PCDHGA7: variants seen among roughly 807,000 people sequenced by gnomAD.
The protein encoded by PCDHGA7 is protocadherin gamma-A7.
A neutral mutation model predicts 58.3 loss-of-function variants in PCDHGA7; 44 were observed. That is an observed-to-expected ratio of 0.75 (90% confidence interval 0.59 to 0.97). The LOEUF (loss-of-function observed/expected upper bound fraction) is 0.97, where lower values mean the gene tolerates loss of function less well. Ranked by LOEUF, PCDHGA7 falls within the 50% of genes least tolerant of loss-of-function variation. PCDHGA7 has a pLI of 0.00. For missense variants in PCDHGA7, 1,266 were observed against 1,188.7 expected, an observed-to-expected ratio of 1.06 and a Z score of -0.96; for synonymous variants, 516 against 504.2, an observed-to-expected ratio of 1.02 and a Z score of -0.31.
At chr5:141,455,634 G>T (rs1429708887) in intron 1 of PCDHGA7, among the ~76,000 whole-genome samples, 1 of 152,110 alleles carries the variant, frequency 6.6e-6, no homozygotes, top group African/African-American at 2.4e-5. Context: ...GAGATATGTG[G>T]GGGGCAGCCA....
chr5:141,421,071 A>G (rs1197006989), intron 1 of PCDHGA7: 1 of 608,760 alleles, frequency 1.6e-6, no homozygotes, highest in East Asian at 2.9e-5. Flanking sequence ...GCGGAATGAG[A>G]TGGATACTCA....
Position 141,490,563 on chromosome 5 carries a change from G to C in PCDHGA7, c.2425-4244G>C. On this transcript the variant is annotated intron_variant, in intron 1 of 3. Coordinates refer to ENST00000518325, the MANE Select transcript of PCDHGA7 (RefSeq NM_018920.4). This position sits in a 1 kb window ranked among gnomAD's most constrained non-coding sequence, Gnocchi z 5.4. ...CCCTACACAAACATCTCACCATCAG[G>C]CTCAACATTTCAGATGTCAATGACA... 1 of 1,614,022 alleles carries C rather than the reference G, an allele frequency of 6.2e-7. No individual in the cohort carries two copies. Among genetic ancestry groups the C allele is most frequent in the Non-Finnish European group, 8.5e-7 (1 of 1,180,008 alleles).
At chr5:141,483,323 G>A (rs2099579999) in intron 1 of PCDHGA7, among the ~76,000 whole-genome samples, 1 of 152,104 alleles carries the variant, frequency 6.6e-6, no homozygotes, top group Non-Finnish European at 1.5e-5. Flanking sequence ...GGGACTGGAG[G>A]CAAAGAGATC....
At chr5:141,423,066 C>T (rs1375575018) in intron 1 of PCDHGA7, 2 of 1,614,002 alleles carry the variant, frequency 1.2e-6, no homozygotes, top group South Asian at 1.1e-5. Context: ...TTAAGGCCAG[C>T]GAGCCGGGAC....
chr5:141,494,996 C>A (rs2099758091), intron 2 of PCDHGA7, 131 bp downstream of exon 2: 2 of 1,539,742 alleles, frequency 1.3e-6, no homozygotes, highest in African/African-American at 1.4e-5. Context: ...CCAGGGAGGT[C>A]TTGGTGTGCG....
In PCDHGA7 at chr5:141,489,744, C is replaced by T. The variant is rs185263705; in HGVS notation, c.2425-5063C>T. The T allele has an allele frequency of 1.1e-5, 18 of 1,614,144 alleles. No homozygotes were observed. In the Admixed American group the frequency reaches 2.8e-4, roughly 25 times the overall value. Reference sequence around the variant, plus strand: ...CGGATGTGGGCACCAATACTGTGAGCTTTTACACTCTAAGCCCCAACAGCC... The same window carrying T: ...CGGATGTGGGCACCAATACTGTGAGTTTTTACACTCTAAGCCCCAACAGCC... On this transcript the variant is annotated intron_variant, in intron 1 of 3. Transcript: ENST00000518325. This position sits in a 1 kb window ranked among gnomAD's most constrained non-coding sequence, Gnocchi z 4.5.
At chr5:141,464,480 A>T (rs1013894368) in intron 1 of PCDHGA7, among the ~76,000 whole-genome samples, 4 of 151,864 alleles carry the variant, frequency 2.6e-5, no homozygotes, top group African/African-American at 7.3e-5. Flanking sequence ...CGTATAATAA[A>T]TTCCTAATAG....
chr5:141,477,168 A>C lies in PCDHGA7; in HGVS notation c.2425-17639A>C, dbSNP rs763187246. 1 of 1,614,210 alleles carries C rather than the reference A, an allele frequency of 6.2e-7. No homozygotes were observed. The highest frequency in any genetic ancestry group is 8.5e-7 in the Non-Finnish European group (1 of 1,180,040). On this transcript the variant is annotated intron_variant, in intron 1 of 3. Transcript: ENST00000518325. This position sits in a 1 kb window ranked among gnomAD's most constrained non-coding sequence, Gnocchi z 4.9. ...GTGGATGTGAATGACAACGCCCCGG[A>C]GATCACAGTCACCTCCGTGTACAGC...
intron 1 of PCDHGA7, chr5:141,426,875 C>T (rs1005769074): frequency 8.8e-6 from 4 of 456,566 alleles, no homozygotes; most frequent in African/African-American, 4.0e-5. Context: ...TGGAGAAGCC[C>T]CTGGGCCAGG....
At chr5:141,450,815 A>ATTAT (rs1554136868) in intron 1 of PCDHGA7, among the ~76,000 whole-genome samples, 98 of 126,742 alleles carry the variant, frequency 7.7e-4, no homozygotes, top group African/African-American at 3.1e-3. Flanking sequence ...TATTTATTTA[A>ATTAT]TATTATTATT....
intron 1 of PCDHGA7, chr5:141,408,389 G>T: frequency 6.2e-7 from 1 of 1,614,032 alleles, no homozygotes; most frequent in Non-Finnish European, 8.5e-7. Flanking sequence ...GGATGTGTCG[G>T]CTCGCAAGCT....
At position 141,431,098 on chromosome 5, in the gene PCDHGA7, A is replaced by G; in HGVS notation, c.2424+45775A>G. The G allele has an allele frequency of 6.2e-7, 1 of 1,614,260 alleles. No homozygotes were observed. The highest frequency in any genetic ancestry group is 8.5e-7 in the Non-Finnish European group (1 of 1,180,040). On this transcript the variant is annotated intron_variant, in intron 1 of 3. Transcript: ENST00000518325. This position sits in a 1 kb window ranked among gnomAD's most constrained non-coding sequence, Gnocchi z 4.8. ...ATCTAGACATTCTGATGGAGGATAA[A>G]GTGAAAATATATGGAGTAGAAGTAG...
chr5:141,385,151 A>T lies in PCDHGA7; in HGVS notation c.2252A>T (p.Gln751Leu). Residue 751 changes from glutamine (Q) to leucine (L), a missense_variant, in exon 1 of 4, where the codon CAG (glutamine) becomes CTG (leucine). Gln to Leu is a moderately radical substitution (Grantham distance 113). Transcript: ENST00000518325. ...ATGGACGGGGTGCAGGCTTTCCTGCAGACCTATTCCCATGAGGTCTCCCTC... is the reference window on the plus strand; with the variant it reads ...ATGGACGGGGTGCAGGCTTTCCTGCTGACCTATTCCCATGAGGTCTCCCTC... ...VGMDGVQAFL[Q>L]TYSHEVSLTA... The T allele has an allele frequency of 6.2e-7, 1 of 1,614,224 alleles. No homozygotes were observed. Among genetic ancestry groups the T allele is most frequent in the Non-Finnish European group, 8.5e-7 (1 of 1,180,042 alleles).
intron 1 of PCDHGA7, 157 bp from the exon 2 acceptor site, chr5:141,494,650 T>G (rs1366776271): frequency 1.0e-6 from 1 of 960,138 alleles, no homozygotes; most frequent in East Asian, 1.1e-4. Context: ...CTGAGGTGTA[T>G]TTTGTCTTTG....
Position 141,487,007 on chromosome 5 carries a change from G to A in PCDHGA7, c.2425-7800G>A, listed in dbSNP as rs563548715. The A allele has an allele frequency of 3.1e-6, 5 of 1,614,206 alleles. No homozygotes were observed. In the South Asian group the frequency reaches 5.5e-5, roughly 18 times the overall value. ...TGCTTGGGTTTCCTATCAGCTCCTGGAGGCCCCAGATCCCAGCCTGTTTGC... is the reference window on the plus strand; with the variant it reads ...TGCTTGGGTTTCCTATCAGCTCCTGAAGGCCCCAGATCCCAGCCTGTTTGC... On this transcript the variant is annotated intron_variant, in intron 1 of 3. Transcript: ENST00000518325. This position sits in a 1 kb window ranked among gnomAD's most constrained non-coding sequence, Gnocchi z 5.0.
chr5:141,438,659 T>C (rs1290256383), intron 1 of PCDHGA7, among the ~76,000 whole-genome samples: 1 of 141,194 alleles, frequency 7.1e-6, no homozygotes, highest in East Asian at 2.1e-4. Flanking sequence ...CACATATATG[T>C]ATATATATAT....
chr5:141,418,350 T>A, intron 1 of PCDHGA7: 1 of 1,614,002 alleles, frequency 6.2e-7, no homozygotes, highest in Non-Finnish European at 8.5e-7. Context: ...GATATTAGTA[T>A]GAATTCGCTG....
rs1449699621 is a variant in PCDHGA7 at position 141,384,158 on chromosome 5, T to A, written c.1259T>A (p.Ile420Asn). 6.2e-7 allele frequency: 1 copy of A among 1,613,550 alleles called. No homozygotes were observed. The highest frequency in any genetic ancestry group is 8.5e-7 in the Non-Finnish European group (1 of 1,179,720). ...LDRETLSLYN[I>N]TLKATDGGTP... is the part of the protein sequence containing the mutation. ...CGGGAAACACTCTCTTTGTATAACA[T>A]CACACTGAAAGCCACAGATGGTGGA... is the stretch of plus-strand genomic sequence containing the variant. Residue 420 changes from isoleucine (I) to asparagine (N), a missense_variant, in exon 1 of 4, where the codon ATC (isoleucine) becomes AAC (asparagine). Transcript: ENST00000518325.
At chr5:141,404,812 GC>G in intron 1 of PCDHGA7, 1 of 1,611,168 alleles carries the variant, frequency 6.2e-7, no homozygotes, top group African/African-American at 1.4e-5. Context: ...TCTCGGTGGG[GC>G]TGCACACAGG....
Sources: gnomAD v4.1 joint callset for allele counts (sites outside exome capture counted in the v4.1 genomes callset) on GRCh38, gnomAD v4.1.1 for gene constraint, Gnocchi (gnomAD v3.1) non-coding constraint, MANE v1.5 for transcripts, NCBI Gene and HGNC (gene_info 2026-07-23, HGNC 2026-07-21) for gene names.